The following PRKD1 variants were observed in gnomAD, a reference collection of about 807,000 sequenced individuals.
The protein encoded by PRKD1 is serine/threonine-protein kinase D1.
In PRKD1, 63 loss-of-function variants were observed where a neutral mutation model predicts 95.9. The observed-to-expected ratio is 0.66, with a 90% CI of 0.54 to 0.81. The LOEUF is 0.81. PRKD1 is among the 30% of genes least tolerant of loss of function. The pLI is 0.00. For missense variants in PRKD1, 1,048 were observed against 1,165.3 expected (o/e 0.90, Z 1.47); for synonymous variants, 425 against 423.1 (o/e 1.00, Z -0.05).
chr14:29,640,175 T>C (rs45512396), intron 4 of PRKD1, among the ~76,000 whole-genome samples: 4,268 of 152,248 alleles, frequency 0.028, 181 homozygotes, highest in African/African-American at 0.091. Context: ...AAAGTTTAAA[T>C]ACATACCCCT....
chr14:29,925,359 T>A (rs182952683), intron 1 of PRKD1, among the ~76,000 whole-genome samples: 1 of 152,206 alleles, frequency 6.6e-6, no homozygotes, highest in East Asian at 1.9e-4. Flanking sequence ...GTCCTTGGTA[T>A]GATGTCGCTA....
intron 2 of PRKD1, among the ~76,000 whole-genome samples, chr14:29,689,823 G>A (rs1488360496): frequency 6.6e-6 from 1 of 152,140 alleles, no homozygotes; most frequent in African/African-American, 2.4e-5. Context: ...TCTTTTGCAG[G>A]GATGTGGATG....
intron 1 of PRKD1, among the ~76,000 whole-genome samples, chr14:29,880,333 G>A (rs994322602): frequency 6.6e-6 from 1 of 152,198 alleles, no homozygotes; most frequent in Non-Finnish European, 1.5e-5. Context: ...GCTTCAGAGG[G>A]TGGAAACCTC....
chr14:29,697,742 A>T (rs573487566), intron 2 of PRKD1, among the ~76,000 whole-genome samples: 1 of 152,228 alleles, frequency 6.6e-6, no homozygotes, highest in African/African-American at 2.4e-5. Context: ...TTTCTCCAGC[A>T]ATTTCAGCAA....
chr14:29,583,865 C>T (rs1892827785), intron 16 of PRKD1, among the ~76,000 whole-genome samples: 1 of 152,084 alleles, frequency 6.6e-6, no homozygotes, highest in Admixed American at 6.6e-5. Context: ...GTTTCTTTTG[C>T]TACAATAAAT....
chr14:29,849,113 G>C (rs1292190201), intron 1 of PRKD1, among the ~76,000 whole-genome samples: 1 of 152,122 alleles, frequency 6.6e-6, no homozygotes, highest in Non-Finnish European at 1.5e-5. Flanking sequence ...TTGAATGTGG[G>C]GCCTGGTGGG....
At chr14:29,595,953 C>T (rs1456187483) in intron 16 of PRKD1, among the ~76,000 whole-genome samples, 1 of 152,196 alleles carries the variant, frequency 6.6e-6, no homozygotes, top group Non-Finnish European at 1.5e-5. Flanking sequence ...TTCTCTCTGT[C>T]TCCTGGGAAA....
At chr14:29,609,668 G>A (rs900063482) in intron 13 of PRKD1, among the ~76,000 whole-genome samples, 5 of 150,404 alleles carry the variant, frequency 3.3e-5, no homozygotes, top group Non-Finnish European at 3.0e-5. Flanking sequence ...AGCCTCCCAA[G>A]TAGCTGGGAC....
chr14:29,742,647 C>T (rs1441980272), intron 1 of PRKD1, among the ~76,000 whole-genome samples: 1 of 152,084 alleles, frequency 6.6e-6, no homozygotes, highest in African/African-American at 2.4e-5. Flanking sequence ...TATAGATGTT[C>T]ATGTTCTTTG....
chr14:29,903,913 C>T (rs1169256727), intron 1 of PRKD1, among the ~76,000 whole-genome samples: 2 of 151,984 alleles, frequency 1.3e-5, no homozygotes, highest in Non-Finnish European at 2.9e-5. Context: ...TGAAGACATA[C>T]ATATATATTT....
chr14:29,648,950 G>C (rs537016116), intron 4 of PRKD1, among the ~76,000 whole-genome samples: 1 of 152,006 alleles, frequency 6.6e-6, no homozygotes, highest in African/African-American at 2.4e-5. Context: ...CACCATGCCC[G>C]GCCTGGCTGG....
At chr14:29,652,571 G>C (rs1881578494) in intron 4 of PRKD1, among the ~76,000 whole-genome samples, 2 of 152,176 alleles carry the variant, frequency 1.3e-5, no homozygotes, top group Admixed American at 6.5e-5. Flanking sequence ...AGGAAGCAGG[G>C]AAGTTCTGGT....
At chr14:29,878,341 C>CAAAA (rs58074850) in intron 1 of PRKD1, among the ~76,000 whole-genome samples, 2,536 of 49,708 alleles carry the variant, frequency 0.051, 52 homozygotes, top group East Asian at 0.086. Context: ...GTTCTAATGA[C>CAAAA]AAAAAAAAAA....
At chr14:29,753,423 A>G (rs1346593864) in intron 1 of PRKD1, among the ~76,000 whole-genome samples, 1 of 152,090 alleles carries the variant, frequency 6.6e-6, no homozygotes, top group Non-Finnish European at 1.5e-5. Flanking sequence ...TCATGTACTT[A>G]GGCTGTTTTT....
chr14:29,802,423 T>G (rs1890072774), intron 1 of PRKD1, among the ~76,000 whole-genome samples: 1 of 152,212 alleles, frequency 6.6e-6, no homozygotes. Context: ...ACATGATGTA[T>G]GAGAACAGCC....
intron 1 of PRKD1, among the ~76,000 whole-genome samples, chr14:29,787,719 T>C (rs1480769682): frequency 1.3e-5 from 2 of 152,124 alleles, no homozygotes; most frequent in Admixed American, 1.3e-4. Context: ...TTTATGTGTG[T>C]CTACAGTTTC....
intron 1 of PRKD1, among the ~76,000 whole-genome samples, chr14:29,783,364 C>T (rs938979049): frequency 9.2e-5 from 14 of 152,140 alleles, no homozygotes; most frequent in Non-Finnish European, 1.3e-4. Flanking sequence ...TTCTGTTGTA[C>T]ATATATTCCA....
chr14:29,676,182 T>TTTG (rs57177252), intron 2 of PRKD1, among the ~76,000 whole-genome samples: 14 of 110,336 alleles, frequency 1.3e-4, no homozygotes, highest in Admixed American at 2.5e-4. Flanking sequence ...ATTACGTTTT[T>TTTG]GTTTTTTTTT....
At chr14:29,893,847 G>A (rs567427737) in intron 1 of PRKD1, among the ~76,000 whole-genome samples, 31 of 152,268 alleles carry the variant, frequency 2.0e-4, no homozygotes, top group African/African-American at 7.2e-4. Flanking sequence ...AAAACTGCCT[G>A]TGAGGCTATA....
Sources: gnomAD v4.1 joint callset for allele counts (sites outside exome capture counted in the v4.1 genomes callset) on GRCh38, gnomAD v4.1.1 for gene constraint, MANE v1.5 for transcripts, NCBI Gene and HGNC (gene_info 2026-07-23, HGNC 2026-07-21) for gene names.